Variants in ELSPBP1 observed in about 807,000 individuals in gnomAD.
The protein encoded by ELSPBP1 is epididymal sperm binding protein 1, also known as epididymal sperm-binding protein 1.
ELSPBP1 carries 38 observed loss-of-function variants against 33.3 expected under a neutral mutation model. The observed-to-expected ratio is 1.14, with a 90% confidence interval of 0.88 to 1.50. The LOEUF (loss-of-function observed/expected upper bound fraction) is 1.50. Ranked by LOEUF, ELSPBP1 falls within the 40% of genes most tolerant of loss-of-function variation. The pLI, the probability that ELSPBP1 is intolerant of heterozygous loss-of-function variation, is 0.00. For synonymous variants in ELSPBP1, 85 were observed against 94.1 expected, an observed-to-expected ratio of 0.90 and a Z score of 0.56; for missense variants, 267 against 263.5, an observed-to-expected ratio of 1.01 and a Z score of -0.09.
intron 1 of ELSPBP1, among the ~76,000 whole-genome samples, chr19:48,005,844 T>C (rs1341969513): frequency 6.6e-6 from 1 of 152,198 alleles, no homozygotes; most frequent in Non-Finnish European, 1.5e-5. Flanking sequence ...AAGCTTACTG[T>C]GCCCCATCTG....
At chr19:48,023,211 G>C (rs1967221808) in intron 6 of ELSPBP1, among the ~76,000 whole-genome samples, 1 of 135,344 alleles carries the variant, frequency 7.4e-6, no homozygotes, top group South Asian at 2.5e-4. Context: ...GAAGGAAGGA[G>C]GGAAGGAAGG....
At chr19:48,023,462 GGAAT>G (rs1967229439) in intron 6 of ELSPBP1, among the ~76,000 whole-genome samples, 1 of 101,614 alleles carries the variant, frequency 9.8e-6, no homozygotes, top group Non-Finnish European at 2.2e-5. Flanking sequence ...GAGGAGGGAA[GGAAT>G]GGAGGAAGGG....
chr19:48,000,249 C>A (rs1175622360), intron 1 of ELSPBP1, among the ~76,000 whole-genome samples: 3 of 149,774 alleles, frequency 2.0e-5, no homozygotes, highest in Non-Finnish European at 4.4e-5. Context: ...CCCCATCCCC[C>A]ATAGATGGAG....
intron 2 of ELSPBP1, among the ~76,000 whole-genome samples, chr19:48,009,928 T>G (rs796097985): frequency 3.9e-5 from 6 of 152,310 alleles, no homozygotes; most frequent in African/African-American, 1.4e-4. Flanking sequence ...CTGCTGAGGT[T>G]TCTTTGCTTT....
At position 48,019,763 on chromosome 19, in the gene ELSPBP1, A is replaced by T; in HGVS notation, c.400A>T (p.Ile134Phe). ...CAGGAAGCCCTGCATCTTCCCCTCC[A>T]TCTACAGAAATAATGTGGTCTCTGA... ...SLRKPCIFPS[I>F]YRNNVVSDCM... Residue 134 changes from isoleucine (I) to phenylalanine (F), a missense_variant, in exon 5 of 7, where the codon ATC becomes TTC. Physicochemically the swap from Ile to Phe is conservative, Grantham distance 21. Transcript: ENST00000339841. 1 of 1,614,058 alleles carries T rather than the reference A, an allele frequency of 6.2e-7. No homozygotes were observed. Among genetic ancestry groups the T allele is most frequent in the Non-Finnish European group, 8.5e-7 (1 of 1,180,018 alleles).
At position 48,019,837 on chromosome 19, in the gene ELSPBP1, C is replaced by G; in HGVS notation, c.474C>G (p.Asn158Lys). 1 of 1,610,726 alleles carries G rather than the reference C, an allele frequency of 6.2e-7. No individual in the cohort carries two copies. Among genetic ancestry groups the G allele is most frequent in the Non-Finnish European group, 8.5e-7 (1 of 1,177,982 alleles). Residue 158 changes from asparagine to lysine, a missense_variant, in exon 5 of 7, where the codon AAC (asparagine) becomes AAG (lysine). Coordinates refer to ENST00000339841, the MANE Select transcript of ELSPBP1 (RefSeq NM_022142.5). ...SNKLWCPTTE[N>K]MDKDGKWSFC... ...AGCTCTGGTGCCCAACCACAGAGAA[C>G]ATGGATAAGGATGGAAAGTGGAGTT...
In ELSPBP1 at chr19:48,011,572, A is replaced by G. The variant is rs1967079904; in HGVS notation, c.71-2599A>G. 6.6e-6 allele frequency among the ~76,000 whole-genome samples: 1 copy of G among 151,622 alleles called. No individual in the cohort carries two copies. The highest frequency in any genetic ancestry group is 2.4e-5 in the African/African-American group (1 of 41,204). On this transcript the variant is annotated intron_variant, in intron 2 of 6. Coordinates refer to ENST00000339841, the MANE Select transcript of ELSPBP1 (RefSeq NM_022142.5). The surrounding 1 kb of genome is among the most constrained non-coding windows in gnomAD (Gnocchi z 4.5). ...GATGATGATGACAATGATGATCATC[A>G]TCACATGATAATGACAATAATGAGG...
intron 2 of ELSPBP1, 88 bp from the exon 3 acceptor site, chr19:48,014,083 A>G: frequency 6.8e-7 from 1 of 1,468,484 alleles, no homozygotes; most frequent in Non-Finnish European, 9.3e-7. Context: ...ACGGACATTC[A>G]TATTAAAGCA....
rs1211826721 is a variant in ELSPBP1 at position 48,011,648 on chromosome 19, G to A, written c.71-2523G>A. Reference sequence around the variant, plus strand: ...CAACGATGATGATGATCATCATCCTGATGACAATGACAATAATGAGACTGA... The same window carrying A: ...CAACGATGATGATGATCATCATCCTAATGACAATGACAATAATGAGACTGA... On this transcript the variant is annotated intron_variant, in intron 2 of 6. Transcript: ENST00000339841. The surrounding 1 kb of genome is among the most constrained non-coding windows in gnomAD (Gnocchi z 4.5). Among the ~76,000 whole-genome samples the A allele has an allele frequency of 1.3e-5, 2 of 151,630 alleles. No homozygotes were observed. The highest frequency in any genetic ancestry group is 2.9e-5 in the Non-Finnish European group (2 of 67,920).
chr19:47,998,891 C>T (rs1356542357), intron 1 of ELSPBP1, among the ~76,000 whole-genome samples: 1 of 152,146 alleles, frequency 6.6e-6, no homozygotes. Flanking sequence ...AGTAAACACA[C>T]CGCGCATGCT....
intron 1 of ELSPBP1, among the ~76,000 whole-genome samples, chr19:48,007,743 CAAT>C (rs1325344685): frequency 6.6e-6 from 1 of 152,142 alleles, no homozygotes; most frequent in Non-Finnish European, 1.5e-5. Flanking sequence ...AAGGTTCCAA[CAAT>C]GAGAAGGGCC....
At chr19:48,004,582 C>T (rs1386001755) in intron 1 of ELSPBP1, among the ~76,000 whole-genome samples, 1 of 152,148 alleles carries the variant, frequency 6.6e-6, no homozygotes, top group Non-Finnish European at 1.5e-5. Flanking sequence ...CAGCTCCTCT[C>T]ACGTCTCCCT....
chr19:47,995,873 G>A (rs1204446607), intron 1 of ELSPBP1, among the ~76,000 whole-genome samples: 2 of 152,186 alleles, frequency 1.3e-5, no homozygotes, highest in Non-Finnish European at 2.9e-5. Context: ...CTGGTTGGTT[G>A]GGTGCTATTA....
At chr19:48,014,956 G>A (rs1967116123) in intron 3 of ELSPBP1, among the ~76,000 whole-genome samples, 2 of 152,148 alleles carry the variant, frequency 1.3e-5, no homozygotes, top group Admixed American at 1.3e-4. Context: ...AGGAAACGAA[G>A]TGTAAGAAAC....
chr19:48,023,496 G>T lies in ELSPBP1; in HGVS notation c.*7+1162G>T, dbSNP rs1272380323. ...GAAGGGAGGAGGGAAGGGAGGGAGG[G>T]AAGGAAAAGAGGAAGGAAATAAGGA... On this transcript the variant is annotated intron_variant, in intron 6 of 6. Transcript: ENST00000339841. Among the ~76,000 whole-genome samples the T allele has an allele frequency of 6.6e-5, 6 of 90,680 alleles. No homozygotes were observed. In the South Asian group the frequency reaches 1.7e-3, roughly 26 times the overall value. 59.5% of individuals were successfully genotyped at this position (90,680 alleles called of 152,430 possible).
At chr19:48,013,759 T>A (rs936988332) in intron 2 of ELSPBP1, among the ~76,000 whole-genome samples, 2 of 151,794 alleles carry the variant, frequency 1.3e-5, no homozygotes, top group Non-Finnish European at 2.9e-5. Flanking sequence ...AAAAGTACCA[T>A]TGACTGCGTA....
At chr19:47,999,390 T>TC (rs60516962) in intron 1 of ELSPBP1, among the ~76,000 whole-genome samples, 2 of 144,782 alleles carry the variant, frequency 1.4e-5, no homozygotes, top group Admixed American at 7.7e-5. Flanking sequence ...CTCATTTCTT[T>TC]TTTTTTTTTT....
rs555378384 is a variant in ELSPBP1, at chr19:47,998,911, A to C, written c.-18+4100A>C. Reference sequence around the variant, plus strand: ...ACACACCGCGCATGCTCACTTCCCAAGCCTAAAGGAGGCACTGCGCATGCG... The same window carrying C: ...ACACACCGCGCATGCTCACTTCCCACGCCTAAAGGAGGCACTGCGCATGCG... On this transcript the variant is annotated intron_variant, in intron 1 of 6. Transcript: ENST00000339841. 3.9e-5 allele frequency among the ~76,000 whole-genome samples: 6 copies of C among 152,342 alleles called. No homozygotes were observed. The South Asian group carries it at 1.2e-3, about 32-fold the overall frequency.
In ELSPBP1 at chr19:48,016,006, G is replaced by A. The variant is rs780152411; in HGVS notation, c.322G>A (p.Glu108Lys). The A allele has an allele frequency of 3.7e-6, 6 of 1,613,890 alleles. No homozygotes were observed. The highest frequency in any genetic ancestry group is 1.3e-5 in the African/African-American group (1 of 75,054). ...GTGCTCAGTCACCTCTGTCTTCGATGAGAAACAGCAGTGGAAATTCTGTGA... is the reference window on the plus strand; with the variant it reads ...GTGCTCAGTCACCTCTGTCTTCGATAAGAAACAGCAGTGGAAATTCTGTGA... The part of the protein sequence containing the change: ...LWCSVTSVFD[E>K]KQQWKFCETN... The change falls in exon 4 of 7, where the codon GAG becomes AAG. Residue 108 changes from glutamate to lysine, a missense_variant. Transcript: ENST00000339841.
Sources: allele counts gnomAD v4.1 joint callset (sites outside exome capture counted in the v4.1 genomes callset), GRCh38; gene constraint gnomAD v4.1.1; non-coding constraint Gnocchi (gnomAD v3.1); transcripts MANE v1.5; gene names NCBI Gene and HGNC (gene_info 2026-07-23, HGNC 2026-07-21).